GRID2: variants seen among roughly 807,000 people sequenced by gnomAD.
GRID2 encodes the protein glutamate receptor ionotropic, delta-2.
In GRID2, 33 loss-of-function variants were observed where a neutral mutation model predicts 114.8. The observed-to-expected ratio is 0.29, with a 90% CI of 0.22 to 0.38. The LOEUF (loss-of-function observed/expected upper bound fraction) is 0.38. Ranked by LOEUF, GRID2 falls within the 10% of genes least tolerant of loss-of-function variation. The probability of loss-of-function intolerance (pLI) is 1.00; values close to 1 mark genes in which losing one functional copy is unlikely to be tolerated. For synonymous variants in GRID2, 505 were observed against 449.9 expected, an observed-to-expected ratio of 1.12 and a Z score of -1.55; for missense variants, 1,184 against 1,257.7, an observed-to-expected ratio of 0.94 and a Z score of 0.89.
chr4:93,773,006 T>G lies in GRID2; in HGVS notation c.*508T>G, dbSNP rs576446201. ...CCCTGCAGTGTTTATAAAACAATTT[T>G]AAGACCATTCAGGCCACATAAGATG... On this transcript the variant is annotated 3_prime_UTR_variant, in exon 16 of 16. Transcript: ENST00000282020. The G allele has an allele frequency of 6.6e-6, 1 of 152,578 alleles. No homozygotes were observed. Among genetic ancestry groups the G allele is most frequent in the South Asian group, 2.1e-4 (1 of 4,842 alleles). The allele number at this position is 152,578 out of a possible 1,614,324, so 9.5% of individuals were successfully genotyped here. A position where few individuals can be genotyped will look rare whatever the true frequency, so the allele number is the denominator to read the frequency against.
chr4:92,893,807 G>T (rs762588185), intron 2 of GRID2, among the ~76,000 whole-genome samples: 1 of 152,108 alleles, frequency 6.6e-6, no homozygotes, highest in East Asian at 1.9e-4. Context: ...GATTTATGAG[G>T]ATAAGTTGAA....
intron 4 of GRID2, among the ~76,000 whole-genome samples, chr4:93,139,006 T>C (rs1241301375): frequency 1.3e-5 from 2 of 152,226 alleles, no homozygotes; most frequent in Admixed American, 1.3e-4. Flanking sequence ...TCTGAGAGAT[T>C]CTCTGCTTTC....
chr4:92,485,123 C>T lies in GRID2; in HGVS notation c.89-105008C>T, dbSNP rs148073711. Among the ~76,000 whole-genome samples the T allele has an allele frequency of 2.0e-3, 298 of 150,390 alleles. 1 individual carries two copies. Among genetic ancestry groups the T allele is most frequent in the African/African-American group, 3.4e-3 (140 of 40,988 alleles). ...TTCGATATTGCTAATAACTTGAGGACGTTTATGGCAAATATATTTAGGCTG... is the reference window on the plus strand; with the variant it reads ...TTCGATATTGCTAATAACTTGAGGATGTTTATGGCAAATATATTTAGGCTG... On this transcript the variant is annotated intron_variant, in intron 1 of 15. Coordinates refer to ENST00000282020, the MANE Select transcript of GRID2 (RefSeq NM_001510.4).
intron 2 of GRID2, among the ~76,000 whole-genome samples, chr4:92,945,116 G>C (rs1751525743): frequency 1.3e-5 from 2 of 152,234 alleles, no homozygotes; most frequent in Middle Eastern, 6.8e-3. Flanking sequence ...CCCTCATTCA[G>C]TGACTTATTG....
At chr4:92,583,119 G>A (rs1728260404) in intron 1 of GRID2, among the ~76,000 whole-genome samples, 1 of 151,956 alleles carries the variant, frequency 6.6e-6, no homozygotes, top group African/African-American at 2.4e-5. Flanking sequence ...TGAGAGCTGT[G>A]GATTCTGCAG....
At chr4:93,084,014 A>C (rs1251763912) in intron 2 of GRID2, among the ~76,000 whole-genome samples, 1 of 152,134 alleles carries the variant, frequency 6.6e-6, no homozygotes, top group South Asian at 2.1e-4. Flanking sequence ...ATTTATAATA[A>C]ATTTTGAATC....
At chr4:92,757,291 T>A (rs963451061) in intron 2 of GRID2, among the ~76,000 whole-genome samples, 6 of 152,048 alleles carry the variant, frequency 3.9e-5, no homozygotes, top group African/African-American at 1.2e-4. Flanking sequence ...ATGTACTCAG[T>A]GGAGATTGTA....
At chr4:93,448,397 A>G (rs969307317) in intron 10 of GRID2, among the ~76,000 whole-genome samples, 1 of 151,950 alleles carries the variant, frequency 6.6e-6, no homozygotes, top group African/African-American at 2.4e-5. Flanking sequence ...AATCTACACA[A>G]TAATAAATAA....
intron 2 of GRID2, among the ~76,000 whole-genome samples, chr4:92,909,548 T>C (rs1276469646): frequency 6.6e-6 from 1 of 152,140 alleles, no homozygotes; most frequent in East Asian, 1.9e-4. Flanking sequence ...GATTCCAGGA[T>C]TGAAATTTCC....
At chr4:93,050,987 A>G (rs570482868) in intron 2 of GRID2, among the ~76,000 whole-genome samples, 1 of 152,172 alleles carries the variant, frequency 6.6e-6, no homozygotes, top group African/African-American at 2.4e-5. Context: ...CTGAATATAA[A>G]GGTCATACCA....
intron 1 of GRID2, among the ~76,000 whole-genome samples, chr4:93,799,595 TA>T (rs1312951635): frequency 6.6e-6 from 1 of 152,196 alleles, no homozygotes; most frequent in Non-Finnish European, 1.5e-5. Flanking sequence ...AGCTAATAAC[TA>T]AAATTTGAAT....
At chr4:92,754,024 A>G (rs1353046396) in intron 2 of GRID2, among the ~76,000 whole-genome samples, 3 of 152,224 alleles carry the variant, frequency 2.0e-5, no homozygotes, top group Non-Finnish European at 4.4e-5. Context: ...AAACAACAAC[A>G]TAAACACAAA....
chr4:92,573,362 G>A (rs1023274717), intron 1 of GRID2, among the ~76,000 whole-genome samples: 4 of 151,874 alleles, frequency 2.6e-5, no homozygotes, highest in Admixed American at 6.6e-5. Flanking sequence ...TAGCATTGGG[G>A]TTTGTTTGCT....
At chr4:92,903,506 C>T (rs1747732522) in intron 2 of GRID2, among the ~76,000 whole-genome samples, 1 of 151,834 alleles carries the variant, frequency 6.6e-6, no homozygotes, top group East Asian at 1.9e-4. Flanking sequence ...TGCATTTTAA[C>T]CTGGAGGAAC....
chr4:93,001,013 G>A (rs1419683857), intron 2 of GRID2, among the ~76,000 whole-genome samples: 1 of 151,448 alleles, frequency 6.6e-6, no homozygotes, highest in African/African-American at 2.4e-5. Flanking sequence ...ATAAATAGCA[G>A]TATTTCATTA....
At chr4:92,901,276 A>T (rs773819872) in intron 2 of GRID2, among the ~76,000 whole-genome samples, 3 of 152,180 alleles carry the variant, frequency 2.0e-5, no homozygotes, top group Admixed American at 1.3e-4. Flanking sequence ...ATTCTGACTT[A>T]TGTAAGATGG....
intron 2 of GRID2, among the ~76,000 whole-genome samples, chr4:92,964,810 A>C (rs1317156465): frequency 1.3e-5 from 2 of 152,042 alleles, no homozygotes; most frequent in Non-Finnish European, 2.9e-5. Flanking sequence ...GCTTTGGCTT[A>C]AAGAAAGATA....
At chr4:92,603,461 T>C (rs891239580) in intron 2 of GRID2, among the ~76,000 whole-genome samples, 5 of 152,102 alleles carry the variant, frequency 3.3e-5, no homozygotes, top group Non-Finnish European at 7.4e-5. Context: ...ATTCCCTATT[T>C]AATAAATGGT....
chr4:92,774,381 G>T (rs1738686619), intron 2 of GRID2, among the ~76,000 whole-genome samples: 1 of 152,074 alleles, frequency 6.6e-6, no homozygotes, highest in South Asian at 2.1e-4. Context: ...TTGAAGAAAT[G>T]CATCAGTGTA....
Sources: gnomAD v4.1 joint callset for allele counts (sites outside exome capture counted in the v4.1 genomes callset) on GRCh38, gnomAD v4.1.1 for gene constraint, MANE v1.5 for transcripts, NCBI Gene and HGNC (gene_info 2026-07-23, HGNC 2026-07-21) for gene names.